TNR: variants seen among roughly 807,000 people sequenced by gnomAD.
The protein encoded by TNR is tenascin-R.
Under a neutral mutation model 150.4 loss-of-function variants are expected in TNR, and 45 were observed. That is an observed-to-expected ratio of 0.30 (90% confidence interval 0.24 to 0.38). The LOEUF (loss-of-function observed/expected upper bound fraction) is 0.38. Ranked by LOEUF, TNR falls within the 10% of genes least tolerant of loss-of-function variation. The pLI, the probability that TNR is intolerant of heterozygous loss-of-function variation, is 1.00. For missense variants in TNR, 1,544 were observed against 1,759.1 expected, an observed-to-expected ratio of 0.88 and a Z score of 2.19; for synonymous variants, 687 against 678.4, an observed-to-expected ratio of 1.01 and a Z score of -0.20.
chr1:175,351,839 G>C (rs2040426), intron 18 of TNR, among the ~76,000 whole-genome samples: 73,278 of 152,066 alleles, frequency 0.48, 19,678 homozygotes, highest in East Asian at 0.77. Context: ...ACATGGAACA[G>C]CTCAGTCAGT....
chr1:175,363,523 T>C (rs373676844), intron 13 of TNR, among the ~76,000 whole-genome samples, 185 bp downstream of exon 13: 1 of 152,196 alleles, frequency 6.6e-6, no homozygotes, highest in South Asian at 2.1e-4. Flanking sequence ...ATCAAGCCTT[T>C]CTCAAGAGGC....
chr1:175,513,858 C>T (rs1341493793), intron 2 of TNR, among the ~76,000 whole-genome samples: 3 of 152,108 alleles, frequency 2.0e-5, no homozygotes, highest in East Asian at 1.9e-4. Context: ...ACATCTAATC[C>T]GCGGAAAATT....
intron 1 of TNR, among the ~76,000 whole-genome samples, chr1:175,730,350 G>A (rs539802196): frequency 2.6e-5 from 4 of 152,158 alleles, no homozygotes; most frequent in African/African-American, 7.2e-5. Context: ...CCCTTCCCTT[G>A]ACTCCACTCC....
chr1:175,476,476 T>C (rs957061049), intron 2 of TNR, among the ~76,000 whole-genome samples: 1 of 152,188 alleles, frequency 6.6e-6, no homozygotes, highest in African/African-American at 2.4e-5. Flanking sequence ...GAGGTACTAC[T>C]TTGAGCACCT....
In TNR at chr1:175,652,950, T is replaced by C. The variant is rs530032212; in HGVS notation, c.-165+90276A>G. Reference sequence around the variant, plus strand: ...TTTGAAGAGACTGTCAATGTCACTATTAATTTGGGAAAAAGTGCCACTTAA... The same window carrying C: ...TTTGAAGAGACTGTCAATGTCACTACTAATTTGGGAAAAAGTGCCACTTAA... On this transcript the variant is annotated intron_variant, in intron 1 of 22. Coordinates refer to ENST00000367674, the MANE Select transcript of TNR (RefSeq NM_003285.3). Among the ~76,000 whole-genome samples the C allele has an allele frequency of 7.9e-5, 12 of 152,302 alleles. No individual in the cohort carries two copies. The East Asian group carries it at 1.9e-3, about 24-fold the overall frequency.
At chr1:175,685,847 T>C (rs1393631691) in intron 1 of TNR, among the ~76,000 whole-genome samples, 1 of 119,668 alleles carries the variant, frequency 8.4e-6, no homozygotes, top group East Asian at 3.7e-4. Flanking sequence ...AAACAAACCA[T>C]TAGCTGTTTT....
chr1:175,729,441 C>T (rs534947142), intron 1 of TNR, among the ~76,000 whole-genome samples: 1 of 151,730 alleles, frequency 6.6e-6, no homozygotes, highest in East Asian at 2.0e-4. Flanking sequence ...CTCTCTGTCC[C>T]CCTTTCAAGA....
chr1:175,713,495 T>C (rs1311933807), intron 1 of TNR, among the ~76,000 whole-genome samples: 3 of 152,216 alleles, frequency 2.0e-5, no homozygotes, highest in Non-Finnish European at 4.4e-5. Context: ...AACAGCCTCC[T>C]GACTCCTCCA....
intron 2 of TNR, among the ~76,000 whole-genome samples, chr1:175,494,625 T>C (rs1557968347): frequency 6.6e-6 from 1 of 152,302 alleles, no homozygotes; most frequent in East Asian, 1.9e-4. Flanking sequence ...TGCCTGTTTA[T>C]CACTTTTGTA....
rs117281545 is a variant in TNR at position 175,448,782 on chromosome 1, A to G, written c.-63-42005T>C. On this transcript the variant is annotated intron_variant, in intron 2 of 22. Transcript: ENST00000367674. Reference sequence around the variant, plus strand: ...AAGTCCACCAGCAAACCTGTGGTATAGGACTTAGCCTGGGGCTGTTTCTAT... The same window carrying G: ...AAGTCCACCAGCAAACCTGTGGTATGGGACTTAGCCTGGGGCTGTTTCTAT... Among the ~76,000 whole-genome samples the G allele has an allele frequency of 4.6e-3, 698 of 152,342 alleles. 1 individual carries two copies. The highest frequency in any genetic ancestry group is 7.8e-3 in the Non-Finnish European group (531 of 68,030).
chr1:175,576,706 A>AC (rs1278856296), intron 1 of TNR, among the ~76,000 whole-genome samples: 10 of 152,176 alleles, frequency 6.6e-5, no homozygotes, highest in Non-Finnish European at 1.0e-4. Flanking sequence ...TTCACTTAGA[A>AC]TATCTGTATA....
Position 175,522,132 on chromosome 1 carries a change from C to T in TNR, c.-64+6137G>A, listed in dbSNP as rs552367111. The stretch of plus-strand genomic sequence containing the variant: ...CCCACTCCACTTCTCCTTTTTTTTT[C>T]TCCTGCCTAAATGCCACAGGCTGGC... On this transcript the variant is annotated intron_variant, in intron 2 of 22. Transcript: ENST00000367674. Among the ~76,000 whole-genome samples, 12 of 151,394 alleles carry T rather than the reference C, an allele frequency of 7.9e-5. No homozygotes were observed. The South Asian group carries it at 1.9e-3, about 24-fold the overall frequency.
chr1:175,323,212 C>T lies in TNR; in HGVS notation c.*145G>A. 1 of 1,065,772 alleles carries T rather than the reference C, an allele frequency of 9.4e-7. No homozygotes were observed. 66.0% of individuals were successfully genotyped at this position (1,065,772 alleles called of 1,614,324 possible). A position where few individuals can be genotyped will look rare whatever the true frequency, so the allele number is the denominator to read the frequency against. ...GCAGAAACCAAGAGCAGATGTTAGC[C>T]AGCGGATTCCTGCGACATCCCTGCT... On this transcript the variant is annotated 3_prime_UTR_variant, in exon 23 of 23. Transcript: ENST00000367674.
intron 1 of TNR, among the ~76,000 whole-genome samples, chr1:175,650,773 GACC>G (rs1664941958): frequency 7.9e-4 from 3 of 3,798 alleles, no homozygotes; most frequent in Non-Finnish European, 1.4e-3. Context: ...CCTCCTCCCC[GACC>G]TCATTACTCC....
At chr1:175,574,545 G>A (rs76431857) in intron 1 of TNR, among the ~76,000 whole-genome samples, 40 of 152,208 alleles carry the variant, frequency 2.6e-4, no homozygotes, top group Middle Eastern at 3.4e-3. Context: ...AAGATATGGC[G>A]CTATCTTCTA....
At chr1:175,739,937 T>C (rs1667878747) in intron 1 of TNR, among the ~76,000 whole-genome samples, 1 of 152,234 alleles carries the variant, frequency 6.6e-6, no homozygotes, top group Non-Finnish European at 1.5e-5. Flanking sequence ...CAAAATCATC[T>C]CTATGAACTC....
intron 2 of TNR, among the ~76,000 whole-genome samples, chr1:175,411,302 A>T (rs140673238): frequency 6.6e-6 from 1 of 152,276 alleles, no homozygotes; most frequent in Non-Finnish European, 1.5e-5. Flanking sequence ...GCATCAGATG[A>T]GCGATTGGGC....
chr1:175,675,547 G>A (rs1338251720), intron 1 of TNR, among the ~76,000 whole-genome samples: 1 of 152,236 alleles, frequency 6.6e-6, no homozygotes, highest in African/African-American at 2.4e-5. Context: ...GTTCCACACA[G>A]CAGAAATGCA....
intron 1 of TNR, among the ~76,000 whole-genome samples, chr1:175,648,028 C>G (rs1290641578): frequency 1.3e-5 from 2 of 152,024 alleles, no homozygotes; most frequent in African/African-American, 4.8e-5. Flanking sequence ...CTCTAAAGTT[C>G]TCTTCTCCTT....
Sources: gnomAD v4.1 joint callset for allele counts (sites outside exome capture counted in the v4.1 genomes callset) on GRCh38, gnomAD v4.1.1 for gene constraint, MANE v1.5 for transcripts, NCBI Gene and HGNC (gene_info 2026-07-23, HGNC 2026-07-21) for gene names.